DAB2IP: variants seen among roughly 807,000 people sequenced by gnomAD.
The protein encoded by DAB2IP is disabled homolog 2-interacting protein.
DAB2IP carries 28 observed loss-of-function variants against 107.2 expected under a neutral mutation model. That is an observed-to-expected ratio of 0.26 (90% CI 0.19 to 0.36). The LOEUF is 0.36. DAB2IP is among the 10% of genes least tolerant of loss of function. The pLI is 1.00. For synonymous variants in DAB2IP, 755 were observed against 706.4 expected (o/e 1.07, Z -1.09); for missense variants, 1,400 against 1,644.7 (o/e 0.85, Z 2.57).
intron 2 of DAB2IP, among the ~76,000 whole-genome samples, chr9:121,680,362 A>G (rs1331818160): frequency 1.5e-4 from 23 of 152,208 alleles, no homozygotes; most frequent in Admixed American, 1.5e-3. Context: ...GGGAACCTGC[A>G]TTTTAACAAG....
At chr9:121,580,653 C>G (rs1026926358) in intron 1 of DAB2IP, among the ~76,000 whole-genome samples, 3 of 151,360 alleles carry the variant, frequency 2.0e-5, no homozygotes. Flanking sequence ...GAGATGGAGT[C>G]TCGCTCTGTT....
upstream of DAB2IP, chr9:121,651,534 C>G: frequency 2.2e-6 from 1 of 456,726 alleles, no homozygotes; most frequent in Non-Finnish European, 2.9e-6. This position sits in a 1 kb window ranked among gnomAD's most constrained non-coding sequence, Gnocchi z 5.1. Context: ...CACTGACTTT[C>G]CGGGCCGGTG....
chr9:121,683,513 G>A (rs1320226077), intron 2 of DAB2IP, among the ~76,000 whole-genome samples: 1 of 152,210 alleles, frequency 6.6e-6, no homozygotes, highest in Non-Finnish European at 1.5e-5. Flanking sequence ...GTGGAGAGTC[G>A]TGTTTGAAGG....
intron 1 of DAB2IP, among the ~76,000 whole-genome samples, chr9:121,583,277 G>C (rs1251312231): frequency 6.6e-6 from 1 of 152,158 alleles, no homozygotes; most frequent in Non-Finnish European, 1.5e-5. Flanking sequence ...TGGTGTCCCA[G>C]CAACTTGGGA....
At chr9:121,703,289 C>T (rs540507158) in intron 3 of DAB2IP, among the ~76,000 whole-genome samples, 18 of 152,254 alleles carry the variant, frequency 1.2e-4, no homozygotes, top group Non-Finnish European at 2.4e-4. Flanking sequence ...GGTCTATTTT[C>T]CTGCTTTAGT....
At chr9:121,743,060 T>G in intron 3 of DAB2IP, 4 of 926,374 alleles carry the variant, frequency 4.3e-6, no homozygotes, top group Non-Finnish European at 5.2e-6. Flanking sequence ...AGGAATACTC[T>G]GGCTGGGATG....
At chr9:121,694,493 G>A (rs79593524) in intron 2 of DAB2IP, among the ~76,000 whole-genome samples, 1,647 of 152,230 alleles carry the variant, frequency 0.011, 28 homozygotes, top group African/African-American at 0.037. Context: ...ATGAGTGAAT[G>A]AAGAAATCAC....
intron 1 of DAB2IP, among the ~76,000 whole-genome samples, chr9:121,667,390 G>A (rs1159160227): frequency 6.6e-6 from 1 of 152,088 alleles, no homozygotes; most frequent in South Asian, 2.1e-4. Flanking sequence ...CCCTCGGGGA[G>A]CACTAGCCAG....
intron 3 of DAB2IP, among the ~76,000 whole-genome samples, chr9:121,744,509 T>C (rs1177250347): frequency 6.6e-6 from 1 of 152,228 alleles, no homozygotes; most frequent in Non-Finnish European, 1.5e-5. Context: ...TGAGACTGCC[T>C]GCCAGTAGGT....
upstream of DAB2IP, among the ~76,000 whole-genome samples, chr9:121,650,685 G>T (rs1010724132): frequency 3.9e-5 from 6 of 152,184 alleles, no homozygotes; most frequent in Admixed American, 3.9e-4. Context: ...GACGAATATT[G>T]CTAAAGAGAT....
At position 121,698,647 on chromosome 9, in the gene DAB2IP, C is replaced by G. The variant is rs1392107106; in HGVS notation, c.229-678C>G. The stretch of plus-strand genomic sequence containing the variant: ...ACATACAACGGTTCCGGGGAGGGGC[C>G]CCACCCTGACATCAAGCTACTGCCG... On this transcript the variant is annotated intron_variant, in intron 2 of 15. Coordinates refer to ENST00000408936, the Ensembl canonical transcript of DAB2IP. This position sits in a 1 kb window ranked among gnomAD's most constrained non-coding sequence, Gnocchi z 4.1. 6.6e-6 allele frequency among the ~76,000 whole-genome samples: 1 copy of G among 152,128 alleles called. No homozygotes were observed. Among genetic ancestry groups the G allele is most frequent in the African/African-American group, 2.4e-5 (1 of 41,438 alleles).
chr9:121,603,467 A>G (rs1466762246), intron 1 of DAB2IP, among the ~76,000 whole-genome samples: 1 of 152,224 alleles, frequency 6.6e-6, no homozygotes, highest in Non-Finnish European at 1.5e-5. Context: ...GAGTCCAGGA[A>G]ACTGCAGTGA....
At chr9:121,722,248 G>A (rs1830980099) in intron 3 of DAB2IP, among the ~76,000 whole-genome samples, 1 of 152,160 alleles carries the variant, frequency 6.6e-6, no homozygotes, top group Admixed American at 6.5e-5. Context: ...TCTGGGCTGG[G>A]CCAGGAGGGC....
At chr9:121,687,665 C>T (rs1314066456) in intron 2 of DAB2IP, among the ~76,000 whole-genome samples, 1 of 152,170 alleles carries the variant, frequency 6.6e-6, no homozygotes, top group South Asian at 2.1e-4. Flanking sequence ...CTGAGTCAGG[C>T]CCTGTGCTGA....
chr9:121,690,760 T>C (rs1315550411), intron 2 of DAB2IP, among the ~76,000 whole-genome samples: 2 of 152,166 alleles, frequency 1.3e-5, no homozygotes, highest in Non-Finnish European at 2.9e-5. Flanking sequence ...AGACTCTCAG[T>C]GTTCCTTAGG....
chr9:121,629,910 G>C (rs1831811417), intron 1 of DAB2IP, among the ~76,000 whole-genome samples: 1 of 152,176 alleles, frequency 6.6e-6, no homozygotes. Flanking sequence ...GGGCTTCCGG[G>C]ACCCAGTGAG....
chr9:121,677,439 T>C (rs1833965464), intron 1 of DAB2IP, among the ~76,000 whole-genome samples: 1 of 152,120 alleles, frequency 6.6e-6, no homozygotes, highest in Non-Finnish European at 1.5e-5. Context: ...GGAGGATTGC[T>C]CGAGCCTAGG....
intron 3 of DAB2IP, among the ~76,000 whole-genome samples, chr9:121,741,089 C>T (rs1038065399): frequency 6.6e-6 from 1 of 152,184 alleles, no homozygotes. Flanking sequence ...CAAGGCATTC[C>T]TTCTGCCTCC....
chr9:121,652,003 C>A, intron 1 of DAB2IP, 104 bp downstream of exon 1: 2 of 1,057,298 alleles, frequency 1.9e-6, no homozygotes, highest in Non-Finnish European at 2.4e-6. Context: ...AGCCATTTGC[C>A]GGGGGTTTCC....
Sources: gnomAD v4.1 joint callset for allele counts (sites outside exome capture counted in the v4.1 genomes callset) on GRCh38, gnomAD v4.1.1 for gene constraint, Gnocchi (gnomAD v3.1) non-coding constraint, MANE v1.5 for transcripts, NCBI Gene and HGNC (gene_info 2026-07-23, HGNC 2026-07-21) for gene names.